UNC13B: variants seen among roughly 807,000 people sequenced by gnomAD.
The protein encoded by UNC13B is unc-13 homolog B.
In UNC13B, 144 loss-of-function variants were observed where a neutral mutation model predicts 211.0. The ratio of observed to expected loss-of-function variants is 0.68; its 90% CI spans 0.60 to 0.78. The LOEUF (loss-of-function observed/expected upper bound fraction) is 0.78, where lower values mean the gene tolerates loss of function less well. Ranked by LOEUF, UNC13B falls within the 30% of genes least tolerant of loss-of-function variation. The pLI, the probability that UNC13B is intolerant of heterozygous loss-of-function variation, is 0.00. For synonymous variants in UNC13B, 709 were observed against 725.8 expected (o/e 0.98, Z 0.37); for missense variants, 1,777 against 2,002.0 (o/e 0.89, Z 2.14).
intron 26 of UNC13B, 128 bp downstream of exon 26, chr9:35,390,842 A>G (rs1311903090): frequency 2.1e-6 from 2 of 962,566 alleles, no homozygotes; most frequent in Non-Finnish European, 3.0e-6. Context: ...AAGGAATTCT[A>G]GGCCTAGTGG....
At chr9:35,328,616 C>T (rs917628489) in intron 11 of UNC13B, among the ~76,000 whole-genome samples, 18 of 106,262 alleles carry the variant, frequency 1.7e-4, no homozygotes, top group Non-Finnish European at 3.3e-4. Context: ...TCCTTCCTTC[C>T]TTCCTTCCTT....
intron 8 of UNC13B, among the ~76,000 whole-genome samples, chr9:35,298,225 C>G (rs1351985028): frequency 6.6e-6 from 1 of 152,148 alleles, no homozygotes; most frequent in African/African-American, 2.4e-5. Flanking sequence ...TTGAGACCAG[C>G]CTGAGAAATA....
intron 23 of UNC13B, 86 bp downstream of exon 23, chr9:35,385,899 T>G (rs1835158422): frequency 2.0e-5 from 31 of 1,526,140 alleles, no homozygotes; most frequent in Non-Finnish European, 2.3e-5. Flanking sequence ...GGGCAGAGTC[T>G]GAGGCTACAG....
In UNC13B at chr9:35,162,140, C is replaced by T. The variant is rs1026122666; in HGVS notation, c.-144C>T. 1.6e-4 allele frequency: 204 copies of T among 1,285,650 alleles called. No individual in the cohort carries two copies. The highest frequency in any genetic ancestry group is 2.1e-4 in the Non-Finnish European group (197 of 927,360). The allele number at this position is 1,285,650 out of a possible 1,614,324, so 79.6% of individuals were successfully genotyped here. ...ATTTGGGGCGGGTCCGAGGCAGCGG[C>T]GGGACGCTACCTGCGACCGGGACCA... On this transcript the variant is annotated 5_prime_UTR_variant, in exon 1 of 40. Transcript: ENST00000635942.
intron 6 of UNC13B, among the ~76,000 whole-genome samples, chr9:35,255,019 GTA>G (rs1365397225): frequency 9.4e-6 from 1 of 106,696 alleles, no homozygotes; most frequent in Non-Finnish European, 1.8e-5. Context: ...ATTAATATAT[GTA>G]TATATAATAT....
In UNC13B at chr9:35,306,317, G is replaced by A. The variant is rs1829921470; in HGVS notation, c.6913G>A (p.Asp2305Asn). 1 of 398,862 alleles carries A rather than the reference G, an allele frequency of 2.5e-6. No individual in the cohort carries two copies. The highest frequency in any genetic ancestry group is 2.1e-5 in the African/African-American group (1 of 48,606). 24.7% of individuals were successfully genotyped at this position (398,862 alleles called of 1,614,324 possible). The change falls in exon 9 of 40, where the codon GAC becomes AAC. Residue 2305 changes from aspartate (D) to asparagine (N), a missense_variant. Coordinates refer to ENST00000635942, the MANE Select transcript of UNC13B (RefSeq NM_001371189.2). ...SLADELSVDKDCQEKLSSNIV... is the reference protein window; with the variant it reads ...SLADELSVDKNCQEKLSSNIV... ...TGCAGATGAGCTCAGTGTAGACAAG[G>A]ACTGTCAGGAAAAACTGAGTTCCAA...
At chr9:35,322,123 G>A (rs1439526597) in intron 11 of UNC13B, among the ~76,000 whole-genome samples, 1 of 152,210 alleles carries the variant, frequency 6.6e-6, no homozygotes, top group Non-Finnish European at 1.5e-5. Flanking sequence ...AGTCACTTGA[G>A]GGAAGAGGTT....
intron 1 of UNC13B, among the ~76,000 whole-genome samples, chr9:35,166,035 C>T (rs1308050273): frequency 6.6e-6 from 1 of 151,992 alleles, no homozygotes; most frequent in Non-Finnish European, 1.5e-5. Flanking sequence ...TAGTTATTCC[C>T]AGTGTTTATA....
At chr9:35,202,143 C>T (rs972411491) in intron 1 of UNC13B, among the ~76,000 whole-genome samples, 29 of 152,156 alleles carry the variant, frequency 1.9e-4, no homozygotes, top group Non-Finnish European at 2.8e-4. Flanking sequence ...TGTAGTTGAG[C>T]GGTTTTGAGT....
chr9:35,166,711 A>G (rs907705861), intron 1 of UNC13B, among the ~76,000 whole-genome samples: 1 of 152,182 alleles, frequency 6.6e-6, no homozygotes, highest in African/African-American at 2.4e-5. Context: ...TACAGATAAG[A>G]AGTTGAAACA....
intron 6 of UNC13B, among the ~76,000 whole-genome samples, chr9:35,255,074 AATAT>A (rs1165969217): frequency 8.5e-6 from 1 of 118,218 alleles, no homozygotes; most frequent in African/African-American, 3.2e-5. Context: ...TGTATAATAT[AATAT>A]ATATATTATA....
intron 7 of UNC13B, among the ~76,000 whole-genome samples, chr9:35,283,662 A>G (rs929240547): frequency 7.9e-5 from 12 of 152,234 alleles, no homozygotes; most frequent in Admixed American, 7.2e-4. Flanking sequence ...AGGAAATAAT[A>G]TAGGATGTTA....
chr9:35,192,403 A>G (rs1377789347), intron 1 of UNC13B, among the ~76,000 whole-genome samples: 1 of 152,236 alleles, frequency 6.6e-6, no homozygotes, highest in African/African-American at 2.4e-5. Context: ...CTTCTGCAGA[A>G]CTGCCTGTTT....
chr9:35,352,245 G>A, intron 11 of UNC13B: 1 of 1,232,204 alleles, frequency 8.1e-7, no homozygotes, highest in Middle Eastern at 3.1e-4. Context: ...CTGGTGGAAA[G>A]CTTTCTAGCC....
At chr9:35,295,219 CAT>C (rs1182606375) in intron 7 of UNC13B, among the ~76,000 whole-genome samples, 1 of 152,062 alleles carries the variant, frequency 6.6e-6, no homozygotes, top group African/African-American at 2.4e-5. Context: ...TGGTTCAATC[CAT>C]ATGTTTAAAA....
intron 6 of UNC13B, among the ~76,000 whole-genome samples, chr9:35,249,957 A>G (rs777965648): frequency 3.4e-4 from 51 of 151,202 alleles, no homozygotes; most frequent in Non-Finnish European, 5.5e-4. Flanking sequence ...TAGCAGTTTT[A>G]TTGAAATATA....
rs1554698739 is a variant in UNC13B at position 35,297,561 on chromosome 9, T to TGTTTTTTTG, written c.761+1631_761+1632insGTTTTTTTG. 5.0e-4 allele frequency among the ~76,000 whole-genome samples: 64 copies of TGTTTTTTTG among 128,232 alleles called. 1 individual carries two copies. Among genetic ancestry groups the TGTTTTTTTG allele is most frequent in the East Asian group, 8.4e-4 (4 of 4,754 alleles). 84.1% of individuals were successfully genotyped at this position (128,232 alleles called of 152,430 possible). ...ACATACTTTGTCTTTTTTTTTTTTTTTTTTTTGAGACGGAGTCTCGCTCTT... is the reference window on the plus strand; with the variant it reads ...ACATACTTTGTCTTTTTTTTTTTTTTGTTTTTTTGTTTTTTGAGACGGAGTCTCGCTCTT... On this transcript the variant is annotated intron_variant, in intron 8 of 39. Coordinates refer to ENST00000635942, the MANE Select transcript of UNC13B (RefSeq NM_001371189.2).
In UNC13B at chr9:35,397,191, C is replaced by G. The variant is rs202128839; in HGVS notation, c.11557C>G (p.Leu3853Val). 8.1e-6 allele frequency: 13 copies of G among 1,614,194 alleles called. No homozygotes were observed. The highest frequency in any genetic ancestry group is 5.0e-5 in the Admixed American group (3 of 60,032). Residue 3853 changes from leucine to valine, a missense_variant, in exon 29 of 40, where the codon CTC becomes GTC. Physicochemically the swap from Leu to Val is conservative, Grantham distance 32. Transcript: ENST00000635942. ...DGFQQTSEHA[L>V]FSCSVVDVFT... ...GTTCCAGCAGACATCAGAGCATGCA[C>G]TCTTTTCCTGCTCTGTGGTGGATGT...
intron 1 of UNC13B, among the ~76,000 whole-genome samples, chr9:35,217,514 G>A (rs887171086): frequency 6.6e-6 from 1 of 150,968 alleles, no homozygotes; most frequent in Non-Finnish European, 1.5e-5. Context: ...TCAGCCTCCC[G>A]AGTAGCTGGG....
Sources: allele counts gnomAD v4.1 joint callset (sites outside exome capture counted in the v4.1 genomes callset), GRCh38; gene constraint gnomAD v4.1.1; transcripts MANE v1.5; gene names NCBI Gene and HGNC (gene_info 2026-07-23, HGNC 2026-07-21).